Variants in C1QTNF9 observed in about 807,000 individuals in gnomAD.
The protein encoded by C1QTNF9 is complement C1q and tumor necrosis factor-related protein 9A.
Under a neutral mutation model 10.1 loss-of-function variants are expected in C1QTNF9, and 6 were observed. The observed-to-expected ratio is 0.59, with a 90% CI of 0.32 to 1.17. The LOEUF is 1.17. Ranked by LOEUF, C1QTNF9 falls within the 50% of genes most tolerant of loss-of-function variation. The pLI is 0.04. For missense variants in C1QTNF9, 201 were observed against 418.8 expected (o/e 0.48, Z 4.54); for synonymous variants, 98 against 163.5 (o/e 0.60, Z 3.06).
At chr13:24,307,577 C>G (rs2138795010), upstream of C1QTNF9, among the ~76,000 whole-genome samples, 1 of 152,358 alleles carries the variant, frequency 6.6e-6, no homozygotes, top group Middle Eastern at 3.4e-3. Context: ...TGGCTACTGC[C>G]CACTTTTTGT....
intron 2 of C1QTNF9, 61 bp from the exon 3 acceptor site, chr13:24,318,757 A>C: frequency 1.2e-6 from 2 of 1,608,404 alleles, no homozygotes; most frequent in Non-Finnish European, 1.7e-6. Flanking sequence ...ATGGAGACCA[A>C]TGGCCAGAAA....
At chr13:24,315,426 C>T (rs1170057315) in intron 1 of C1QTNF9, among the ~76,000 whole-genome samples, 1 of 152,206 alleles carries the variant, frequency 6.6e-6, no homozygotes, top group African/African-American at 2.4e-5. Context: ...TATGGACCTA[C>T]CACATTGCAT....
intron 1 of C1QTNF9, among the ~76,000 whole-genome samples, chr13:24,315,151 A>G (rs1024434607): frequency 3.3e-5 from 5 of 152,200 alleles, no homozygotes; most frequent in Admixed American, 2.6e-4. Context: ...ACCCATCTCC[A>G]GAACTCTTTT....
At chr13:24,314,996 C>T (rs1877973444) in intron 1 of C1QTNF9, among the ~76,000 whole-genome samples, 1 of 151,938 alleles carries the variant, frequency 6.6e-6, no homozygotes, top group African/African-American at 2.4e-5. Context: ...TCTTGGAATG[C>T]TTTACTTTTT....
Position 24,310,178 on chromosome 13 carries a change from G to C in C1QTNF9, c.-23+562G>C, listed in dbSNP as rs909660418. 2.7e-5 allele frequency among the ~76,000 whole-genome samples: 4 copies of C among 150,354 alleles called. No individual in the cohort carries two copies. The South Asian group carries it at 6.4e-4, about 24-fold the overall frequency. ...AAGTGCTGGGATTTTTTTTGAGACAGAGTCTCACTCTGTTGTCCAGACTGG... is the reference window on the plus strand; with the variant it reads ...AAGTGCTGGGATTTTTTTTGAGACACAGTCTCACTCTGTTGTCCAGACTGG... On this transcript the variant is annotated intron_variant, in intron 1 of 3. Transcript: ENST00000332018.
At chr13:24,314,378 G>GAA (rs758750643) in intron 1 of C1QTNF9, among the ~76,000 whole-genome samples, 10 of 122,016 alleles carry the variant, frequency 8.2e-5, no homozygotes, top group South Asian at 2.6e-4. Context: ...TCTCTCCAAA[G>GAA]AAAAAAAAAA....
upstream of C1QTNF9, among the ~76,000 whole-genome samples, chr13:24,309,303 ATAT>A (rs1018109061): frequency 1.5e-5 from 2 of 130,846 alleles, no homozygotes; most frequent in African/African-American, 5.9e-5. Flanking sequence ...ATATATATAT[ATAT>A]ATGAAAGAAA....
upstream of C1QTNF9, among the ~76,000 whole-genome samples, chr13:24,308,250 A>G (rs1448027220): frequency 6.6e-6 from 1 of 152,178 alleles, no homozygotes; most frequent in East Asian, 1.9e-4. Flanking sequence ...GAAGCGGGGA[A>G]GGGCCGGGCA....
chr13:24,307,863 C>T (rs1877657729), upstream of C1QTNF9, among the ~76,000 whole-genome samples: 2 of 152,240 alleles, frequency 1.3e-5, no homozygotes, highest in Admixed American at 1.3e-4. Flanking sequence ...ACCTGGGCCG[C>T]AGCAGCCCCG....
At chr13:24,321,507 G>A (rs368942593) in exon 4 of C1QTNF9, 9 of 1,613,630 alleles carry the variant, frequency 5.6e-6, no homozygotes, top group Middle Eastern at 1.7e-4. Context: ...ACATTGCTGG[G>A]GTCTATTACT....
At chr13:24,315,937 C>A in intron 1 of C1QTNF9, 45 bp from the exon 2 acceptor site, 1 of 1,604,744 alleles carries the variant, frequency 6.2e-7, no homozygotes, top group South Asian at 1.1e-5. Flanking sequence ...TCCAGGGCCC[C>A]AGCAACAAAG....
In C1QTNF9 at chr13:24,312,786, C is replaced by T. The variant is rs573559689; in HGVS notation, c.-23+3170C>T. On this transcript the variant is annotated intron_variant, in intron 1 of 3. Coordinates refer to ENST00000332018, the Ensembl canonical transcript of C1QTNF9. Reference sequence around the variant, plus strand: ...CCTGGCTAACATGGTGAAACCCCGTCTCTACTAAAATACAAAAAATTACCC... The same window carrying T: ...CCTGGCTAACATGGTGAAACCCCGTTTCTACTAAAATACAAAAAATTACCC... 4.0e-5 allele frequency among the ~76,000 whole-genome samples: 6 copies of T among 151,746 alleles called. No individual in the cohort carries two copies. In the South Asian group the frequency reaches 1.3e-3, roughly 32 times the overall value.
intron 1 of C1QTNF9, among the ~76,000 whole-genome samples, chr13:24,310,488 T>C (rs1158821900): frequency 6.6e-6 from 1 of 152,128 alleles, no homozygotes; most frequent in East Asian, 1.9e-4. Flanking sequence ...CTAGAGAAGC[T>C]TATAGATTAT....
chr13:24,312,367 G>A (rs201975608), intron 1 of C1QTNF9, among the ~76,000 whole-genome samples: 16 of 30,742 alleles, frequency 5.2e-4, no homozygotes, highest in Admixed American at 1.8e-3. Context: ...TAATTCAGAT[G>A]AGAGAGAGAG....
At chr13:24,316,270 C>T (rs1593534149) in intron 2 of C1QTNF9, 101 bp downstream of exon 2, 3 of 1,500,818 alleles carry the variant, frequency 2.0e-6, no homozygotes, top group African/African-American at 2.8e-5. Context: ...CCACTCACAC[C>T]CCATCCATCC....
chr13:24,311,246 T>C (rs966432283), intron 1 of C1QTNF9, among the ~76,000 whole-genome samples: 13 of 152,228 alleles, frequency 8.5e-5, no homozygotes, highest in African/African-American at 3.1e-4. Flanking sequence ...AAGAGGGCAC[T>C]GGGTGACCAT....
At chr13:24,316,439 G>C (rs1878041695) in intron 2 of C1QTNF9, among the ~76,000 whole-genome samples, 1 of 152,006 alleles carries the variant, frequency 6.6e-6, no homozygotes, top group Non-Finnish European at 1.5e-5. Flanking sequence ...TGCCCTCCTG[G>C]GTTCTCTCAT....
chr13:24,309,283 T>TTTTATATATATATATA (rs1422107558), upstream of C1QTNF9, among the ~76,000 whole-genome samples: 11 of 68,288 alleles, frequency 1.6e-4, no homozygotes, highest in African/African-American at 4.4e-4. Context: ...ACTTAAAGTA[T>TTTTATATATATATATA]TATATATATA....
chr13:24,313,662 C>T (rs181548365), intron 1 of C1QTNF9, among the ~76,000 whole-genome samples: 126 of 152,294 alleles, frequency 8.3e-4, no homozygotes, highest in Admixed American at 2.5e-3. Context: ...ACATTTCCAC[C>T]AGATGGCAAT....
Sources: gnomAD v4.1 joint callset for allele counts (sites outside exome capture counted in the v4.1 genomes callset) on GRCh38, gnomAD v4.1.1 for gene constraint, MANE v1.5 for transcripts, NCBI Gene and HGNC (gene_info 2026-07-23, HGNC 2026-07-21) for gene names.